The following TENM3 variants were observed in gnomAD, a reference collection of about 807,000 sequenced individuals.
TENM3 encodes the protein teneurin transmembrane protein 3, also known as teneurin-3.
In TENM3, 63 loss-of-function variants were observed where a neutral mutation model predicts 255.1. The observed-to-expected ratio is 0.25, with a 90% CI of 0.20 to 0.30. TENM3 has a LOEUF of 0.30. TENM3 is among the 10% of genes least tolerant of loss of function. TENM3 has a pLI of 1.00. For missense variants in TENM3, 2,929 were observed against 3,461.1 expected (o/e 0.85, Z 3.86); for synonymous variants, 1,306 against 1,322.3 (o/e 0.99, Z 0.27).
At chr4:182,692,353 A>G (rs956406153) in intron 12 of TENM3, among the ~76,000 whole-genome samples, 4 of 152,252 alleles carry the variant, frequency 2.6e-5, no homozygotes, top group Non-Finnish European at 4.4e-5. Context: ...CTAAGTACCA[A>G]ATTTTTACTA....
intron 12 of TENM3, among the ~76,000 whole-genome samples, chr4:182,697,630 G>A (rs376108076): frequency 4.0e-4 from 61 of 152,264 alleles, no homozygotes; most frequent in African/African-American, 1.3e-3. Context: ...GAACCGGGCT[G>A]ATTTCGGTGT....
chr4:182,773,604 T>C lies in TENM3; in HGVS notation c.5025T>C (p.Thr1675=). Residue 1675 remains threonine, a synonymous_variant, in exon 23 of 28, where the codon ACT becomes ACC. Transcript: ENST00000511685. ...SSSREEDVSI[T]SNLSSIDSFY... ...GCCGAGAAGAAGATGTCAGCATCAC[T>C]TCAAATCTGTCCTCGATCGATTCTT... 6.2e-7 allele frequency: 1 copy of C among 1,613,740 alleles called. No homozygotes were observed. Among genetic ancestry groups the C allele is most frequent in the Non-Finnish European group, 8.5e-7 (1 of 1,179,786 alleles).
intron 3 of TENM3, among the ~76,000 whole-genome samples, chr4:182,390,036 G>C (rs1768317859): frequency 6.6e-6 from 1 of 152,146 alleles, no homozygotes. Context: ...TAGATCTTTT[G>C]AGGGTGCACA....
chr4:181,526,467 T>C, the TENM3 span, among the ~76,000 whole-genome samples: 178 of 152,270 alleles, frequency 1.2e-3, no homozygotes, highest in African/African-American at 4.0e-3. Context: ...GGAAGTTTTA[T>C]AACGTGATTG....
At chr4:181,767,275 AG>A in the TENM3 span, among the ~76,000 whole-genome samples, 25 of 149,618 alleles carry the variant, frequency 1.7e-4, no homozygotes, top group Non-Finnish European at 3.0e-4. Context: ...AAAAAAAGAA[AG>A]AAAACAAAAT....
chr4:182,515,706 TA>T (rs1206315134), intron 3 of TENM3, among the ~76,000 whole-genome samples: 3 of 152,200 alleles, frequency 2.0e-5, no homozygotes, highest in African/African-American at 7.2e-5. Context: ...TACATATTTT[TA>T]ATACATATTT....
the TENM3 span, among the ~76,000 whole-genome samples, chr4:181,644,696 C>T: frequency 4.7e-5 from 7 of 148,968 alleles, no homozygotes; most frequent in Admixed American, 2.0e-4. Flanking sequence ...TTTTTTGTTT[C>T]GTTTTTCTGT....
At chr4:182,427,788 C>T (rs1314863170) in intron 3 of TENM3, among the ~76,000 whole-genome samples, 2 of 152,096 alleles carry the variant, frequency 1.3e-5, no homozygotes, top group Non-Finnish European at 2.9e-5. Flanking sequence ...GACACATACA[C>T]AGTATGGACC....
intron 3 of TENM3, among the ~76,000 whole-genome samples, chr4:182,369,123 G>A (rs1327332131): frequency 1.3e-5 from 2 of 152,196 alleles, no homozygotes; most frequent in East Asian, 1.9e-4. Flanking sequence ...GATTTTGGAT[G>A]TGAATGTTGT....
chr4:182,129,860 A>G, the TENM3 span, among the ~76,000 whole-genome samples: 1 of 152,156 alleles, frequency 6.6e-6, no homozygotes, highest in Non-Finnish European at 1.5e-5. Context: ...CTATAACACT[A>G]TAGTAGGAGA....
At chr4:181,847,376 G>A in the TENM3 span, among the ~76,000 whole-genome samples, 1 of 152,112 alleles carries the variant, frequency 6.6e-6, no homozygotes, top group South Asian at 2.1e-4. Flanking sequence ...TAAAGGTAAA[G>A]AGATAACTAT....
the TENM3 span, among the ~76,000 whole-genome samples, chr4:182,069,512 C>A: frequency 6.6e-6 from 1 of 152,150 alleles, no homozygotes; most frequent in Non-Finnish European, 1.5e-5. Flanking sequence ...GGCCCCTCAA[C>A]TAGAATATGC....
chr4:182,676,172 T>C (rs1468625875), intron 7 of TENM3, among the ~76,000 whole-genome samples: 1 of 152,228 alleles, frequency 6.6e-6, no homozygotes, highest in Non-Finnish European at 1.5e-5. Flanking sequence ...TTGCTTGAGC[T>C]TTCGCAGTCT....
intron 3 of TENM3, among the ~76,000 whole-genome samples, chr4:182,421,841 A>G (rs921032761): frequency 7.2e-5 from 11 of 152,194 alleles, no homozygotes; most frequent in African/African-American, 1.7e-4. Flanking sequence ...AGTCCTCCCA[A>G]CCATGACCTC....
At chr4:182,696,798 G>A (rs555462126) in intron 12 of TENM3, among the ~76,000 whole-genome samples, 1 of 151,752 alleles carries the variant, frequency 6.6e-6, no homozygotes, top group Non-Finnish European at 1.5e-5. Context: ...TTTTGTTGCG[G>A]TTTTTCTCAT....
At chr4:181,606,024 C>T in the TENM3 span, among the ~76,000 whole-genome samples, 1 of 150,196 alleles carries the variant, frequency 6.7e-6, no homozygotes, top group Admixed American at 6.7e-5. Context: ...TCCTCAGTTC[C>T]TCATGGTGGT....
chr4:182,001,258 CA>C, the TENM3 span, among the ~76,000 whole-genome samples: 1 of 151,868 alleles, frequency 6.6e-6, no homozygotes, highest in African/African-American at 2.4e-5. Context: ...AAAAACTCTA[CA>C]AAATTGGCTG....
chr4:182,182,641 C>A (rs1405806290), intron 1 of TENM3, among the ~76,000 whole-genome samples: 2 of 152,320 alleles, frequency 1.3e-5, no homozygotes, highest in East Asian at 3.9e-4. Flanking sequence ...AAGGCCATGA[C>A]TTTGAACCTA....
At chr4:181,727,602 A>C in the TENM3 span, among the ~76,000 whole-genome samples, 265 of 152,336 alleles carry the variant, frequency 1.7e-3, no homozygotes, top group Non-Finnish European at 1.6e-3. Flanking sequence ...CCTTAGAGAA[A>C]GCTGGCGTTT....
Sources: gnomAD v4.1 joint callset for allele counts (sites outside exome capture counted in the v4.1 genomes callset) on GRCh38, gnomAD v4.1.1 for gene constraint, MANE v1.5 for transcripts, NCBI Gene and HGNC (gene_info 2026-07-23, HGNC 2026-07-21) for gene names.